The following ATM variants were observed in gnomAD, a reference collection of about 807,000 sequenced individuals.
ATM encodes the protein serine-protein kinase ATM.
ATM carries 308 observed loss-of-function variants against 387.0 expected under a neutral mutation model. That is an observed-to-expected ratio of 0.80 (90% confidence interval 0.73 to 0.87). ATM has a LOEUF of 0.87. Ranked by LOEUF, ATM falls within the 40% of genes least tolerant of loss-of-function variation. The probability of loss-of-function intolerance (pLI) is 0.00; values close to 1 mark genes in which losing one functional copy is unlikely to be tolerated. For synonymous variants in ATM, 1,156 were observed against 1,187.3 expected, an observed-to-expected ratio of 0.97 and a Z score of 0.54; for missense variants, 3,312 against 3,560.9, an observed-to-expected ratio of 0.93 and a Z score of 1.78.
At chr11:108,275,696 C>G (rs941254151) in intron 22 of ATM, among the ~76,000 whole-genome samples, 2 of 152,200 alleles carry the variant, frequency 1.3e-5, no homozygotes, top group Non-Finnish European at 2.9e-5. Flanking sequence ...GGCCCCCACT[C>G]TCTTCTGGCT....
Position 108,267,270 on chromosome 11 carries a change from A to G in ATM, c.2566A>G (p.Asn856Asp), listed in dbSNP as rs774757757. 6.2e-7 allele frequency: 1 copy of G among 1,614,158 alleles called. No individual in the cohort carries two copies. The highest frequency in any genetic ancestry group is 2.2e-5 in the East Asian group (1 of 44,876). ...LMEVEDQSSM[N>D]LFNDYPDSSV... ...GGAGGTGGAGGATCAGTCATCCATG[A>G]ATCTATTTAACGATTACCCTGATAG... The change falls in exon 17 of 63, where the codon AAT (asparagine) becomes GAT (aspartate). Residue 856 changes from asparagine (N) to aspartate (D), a missense_variant. Around this residue, in one of 4 missense-constraint regions of ATM, gnomAD observed 1,791 missense variants for 1,804.5 expected, o/e 0.99. Coordinates refer to ENST00000675843, the MANE Select transcript of ATM (RefSeq NM_000051.4).
intron 34 of ATM, among the ~76,000 whole-genome samples, chr11:108,301,165 A>C (rs536872566): frequency 6.6e-6 from 1 of 152,326 alleles, no homozygotes; most frequent in Non-Finnish European, 1.5e-5. Context: ...CATTCATTTC[A>C]TAGTAATTCG....
chr11:108,223,531 T>C (rs1351467441), intron 1 of ATM: 4 of 152,252 alleles, frequency 2.6e-5, no homozygotes, highest in African/African-American at 9.6e-5. Context: ...ATATTTCAAC[T>C]TCAGCCTCGC....
intron 22 of ATM, among the ~76,000 whole-genome samples, chr11:108,278,336 A>G (rs930354322): frequency 4.6e-5 from 7 of 152,184 alleles, no homozygotes; most frequent in African/African-American, 1.4e-4. Flanking sequence ...ATAAAAGCAA[A>G]TGTATGCTGA....
At chr11:108,307,443 T>C (rs2083778720) in intron 37 of ATM, among the ~76,000 whole-genome samples, 1 of 152,174 alleles carries the variant, frequency 6.6e-6, no homozygotes, top group African/African-American at 2.4e-5. Context: ...CCATTGCACT[T>C]GGCCAGTATC....
chr11:108,266,164 G>A lies in ATM; in HGVS notation c.2467-1007G>A, dbSNP rs374792036. 8.9e-3 allele frequency among the ~76,000 whole-genome samples: 1,318 copies of A among 147,284 alleles called. 26 individuals are homozygous for A. Among genetic ancestry groups the A allele is most frequent in the African/African-American group, 0.031 (1,241 of 40,540 alleles). On this transcript the variant is annotated intron_variant, in intron 16 of 62. Transcript: ENST00000675843. ...TACCCAAAGGACTATAAATCATGCC[G>A]CTATAAAGACACATGCACACGTATG...
Position 108,365,538 on chromosome 11 carries a change from A to G in ATM, c.*30A>G. The G allele has an allele frequency of 6.2e-7, 1 of 1,606,140 alleles. No individual in the cohort carries two copies. Among genetic ancestry groups the G allele is most frequent in the South Asian group, 1.1e-5 (1 of 90,274 alleles). ...CAGTATATGAATTACCCTTTCATTC[A>G]GCCTTTAGAAATTATATTTTAGCCT... On this transcript the variant is annotated 3_prime_UTR_variant, in exon 63 of 63. Transcript: ENST00000675843.
At chr11:108,291,208 C>A (rs1442917554) in intron 29 of ATM, among the ~76,000 whole-genome samples, 1 of 151,992 alleles carries the variant, frequency 6.6e-6, no homozygotes, top group Non-Finnish European at 1.5e-5. Flanking sequence ...TGCACTCCAG[C>A]CTGGGCGACA....
Position 108,325,782 on chromosome 11 carries a change from G to C in ATM, c.6807+238G>C, listed in dbSNP as rs609429. Reference sequence around the variant, plus strand: ...TCCTGGTTATAAAATGAGAAGATACGTAACTTACTATATTGATAACAATTC... The same window carrying C: ...TCCTGGTTATAAAATGAGAAGATACCTAACTTACTATATTGATAACAATTC... On this transcript the variant is annotated intron_variant, in intron 46 of 62. Coordinates refer to ENST00000675843, the MANE Select transcript of ATM (RefSeq NM_000051.4). Among the ~76,000 whole-genome samples the C allele has an allele frequency of 0.54, 81,653 of 151,936 alleles. 22,539 individuals carry two copies. Among genetic ancestry groups the C allele is most frequent in the Middle Eastern group, 0.75 (218 of 292 alleles).
chr11:108,364,182 C>T (rs1234743906), intron 61 of ATM, among the ~76,000 whole-genome samples: 3 of 152,142 alleles, frequency 2.0e-5, no homozygotes, highest in African/African-American at 7.2e-5. Context: ...TCCCAACCTG[C>T]AGATTTACTG....
In ATM at chr11:108,366,580, A is replaced by C. The variant is rs2091344143; in HGVS notation, c.*1072A>C. 1 of 229,876 alleles carries C rather than the reference A, an allele frequency of 4.4e-6. No homozygotes were observed. The highest frequency in any genetic ancestry group is 8.6e-6 in the Non-Finnish European group (1 of 116,116). The allele number at this position is 229,876 out of a possible 1,614,324, so 14.2% of individuals were successfully genotyped here. On this transcript the variant is annotated 3_prime_UTR_variant, in exon 63 of 63. Transcript: ENST00000675843. ...TTTTCAGCAAGGCTTTATCTATGGG[A>C]ATCTTGAGTGTCTGTTTATGTCATA...
Position 108,252,030 on chromosome 11 carries a change from A to G in ATM, c.1801A>G (p.Ser601Gly), listed in dbSNP as rs1591528484. 6.2e-7 allele frequency: 1 copy of G among 1,611,008 alleles called. No individual in the cohort carries two copies. Among genetic ancestry groups the G allele is most frequent in the South Asian group, 1.1e-5 (1 of 90,860 alleles). ...NSTEVPPILHSNFPHLVLEKI... is the reference protein window; with the variant it reads ...NSTEVPPILHGNFPHLVLEKI... Reference sequence around the variant, plus strand: ...CACAGAAGTGCCTCCAATTCTTCACAGGTAATTTAAGTTCATTAGCATGCT... The same window carrying G: ...CACAGAAGTGCCTCCAATTCTTCACGGGTAATTTAAGTTCATTAGCATGCT... Residue 601 changes from serine (S) to glycine (G), a missense_variant and splice_region_variant, in exon 11 of 63, where the codon AGT becomes GGT. This residue lies in a region of ATM where 1,791 missense variants were observed against 1,804.5 expected (regional missense o/e 0.99). Coordinates refer to ENST00000675843, the MANE Select transcript of ATM (RefSeq NM_000051.4).
At chr11:108,261,958 A>G in intron 16 of ATM, among the ~76,000 whole-genome samples, 1 of 152,216 alleles carries the variant, frequency 6.6e-6, no homozygotes, top group South Asian at 2.1e-4. Context: ...AAATGAGCAA[A>G]GCCTCCAAGA....
At chr11:108,329,435 C>T in intron 49 of ATM, 197 bp downstream of exon 49, 1 of 577,628 alleles carries the variant, frequency 1.7e-6, no homozygotes, top group Non-Finnish European at 3.0e-6. Flanking sequence ...GAGACAAGGT[C>T]TCACTCTGTC....
chr11:108,270,078 G>T (rs530119131), intron 18 of ATM, among the ~76,000 whole-genome samples: 127 of 151,942 alleles, frequency 8.4e-4, no homozygotes, highest in African/African-American at 3.0e-3. Flanking sequence ...TATGTAAATA[G>T]GAAAAAAAAT....
intron 18 of ATM, among the ~76,000 whole-genome samples, chr11:108,269,978 C>T (rs2081484230): frequency 6.6e-6 from 1 of 152,062 alleles, no homozygotes; most frequent in Non-Finnish European, 1.5e-5. Context: ...TCAGTAACCT[C>T]ATGTACATGA....
At chr11:108,309,100 A>G (rs2083919944) in intron 38 of ATM, 19 of 1,297,746 alleles carry the variant, frequency 1.5e-5, no homozygotes, top group Non-Finnish European at 1.9e-5. Context: ...GGATATAGAA[A>G]AACGGGTAAA....
chr11:108,310,647 G>A (rs2084073477), intron 39 of ATM, among the ~76,000 whole-genome samples: 1 of 151,992 alleles, frequency 6.6e-6, no homozygotes, highest in African/African-American at 2.4e-5. Context: ...TTTTTCAAAT[G>A]ATTAAATTAT....
intron 6 of ATM, among the ~76,000 whole-genome samples, 173 bp downstream of exon 6, chr11:108,244,291 A>T (rs2079721791): frequency 6.6e-6 from 1 of 152,232 alleles, no homozygotes; most frequent in African/African-American, 2.4e-5. Context: ...TGAATATCCA[A>T]TATGCAGAAC....
Sources: gnomAD v4.1 joint callset for allele counts (sites outside exome capture counted in the v4.1 genomes callset) on GRCh38, gnomAD v4.1.1 for gene constraint, gnomAD v4.1.1 regional missense constraint, MANE v1.5 for transcripts, NCBI Gene and HGNC (gene_info 2026-07-23, HGNC 2026-07-21) for gene names.